The following PCDHGA2 variants were observed in gnomAD, a reference collection of about 807,000 sequenced individuals.
The protein encoded by PCDHGA2 is protocadherin gamma-A2.
In PCDHGA2, 40 loss-of-function variants were observed where a neutral mutation model predicts 59.2. The ratio of observed to expected loss-of-function variants is 0.68; its 90% confidence interval spans 0.52 to 0.88. The LOEUF (loss-of-function observed/expected upper bound fraction) is 0.88, where lower values mean the gene tolerates loss of function less well. Among genes scored for constraint, PCDHGA2 ranks in the 40% least tolerant of loss-of-function variants. PCDHGA2 has a pLI of 0.00. For missense variants in PCDHGA2, 1,226 were observed against 1,204.0 expected (o/e 1.02, Z -0.27); for synonymous variants, 560 against 526.0 (o/e 1.06, Z -0.89).
At chr5:141,416,132 A>G (rs939839074) in intron 1 of PCDHGA2, 1 of 153,964 alleles carries the variant, frequency 6.5e-6, no homozygotes, top group Non-Finnish European at 1.4e-5. Flanking sequence ...ATATTTTTCA[A>G]TCTATACTTT....
Position 141,375,504 on chromosome 5 carries a change from T to A in PCDHGA2, c.2424+34109T>A. The A allele has an allele frequency of 2.5e-6, 4 of 1,614,004 alleles. No homozygotes were observed. The South Asian group carries it at 4.4e-5, about 18-fold the overall frequency. ...CCCAGGGGTGCCTCCATCTTCTCTG[T>A]GAATGCACTGGACCCTGACGTGGAC... On this transcript the variant is annotated intron_variant, in intron 1 of 3. Coordinates refer to ENST00000394576, the MANE Select transcript of PCDHGA2 (RefSeq NM_018915.4).
At chr5:141,419,877 C>T in intron 1 of PCDHGA2, 3 of 1,614,062 alleles carry the variant, frequency 1.9e-6, no homozygotes, top group Non-Finnish European at 8.5e-7. Flanking sequence ...GAGGTACTGC[C>T]GGATTTCAGC....
chr5:141,393,115 GGT>G (rs1236382706), intron 1 of PCDHGA2: 1 of 1,613,438 alleles, frequency 6.2e-7, no homozygotes, highest in Non-Finnish European at 8.5e-7. Flanking sequence ...CAGAGCCCGC[GGT>G]GTCTGATAAA....
rs530261329 is a variant in PCDHGA2, at chr5:141,440,076, A to G, written c.2425-54731A>G. 2.4e-4 allele frequency: 37 copies of G among 152,560 alleles called. No individual in the cohort carries two copies. In the South Asian group the frequency reaches 3.7e-3, roughly 15 times the overall value. The allele number at this position is 152,560 out of a possible 1,614,324, so 9.5% of individuals were successfully genotyped here. On this transcript the variant is annotated intron_variant, in intron 1 of 3. Coordinates refer to ENST00000394576, the MANE Select transcript of PCDHGA2 (RefSeq NM_018915.4). Reference sequence around the variant, plus strand: ...CTTCGGGTTAATGCTGAGGAATAATACTTCATTCTAAGTGGGGAAAGTGGA... The same window carrying G: ...CTTCGGGTTAATGCTGAGGAATAATGCTTCATTCTAAGTGGGGAAAGTGGA...
chr5:141,432,014 A>C lies in PCDHGA2; in HGVS notation c.2425-62793A>C, dbSNP rs778393699. Reference sequence around the variant, plus strand: ...GGATAGGGAACAGGTTCCTAGCTACAACATCACAGTGACCGCCACTGACCG... The same window carrying C: ...GGATAGGGAACAGGTTCCTAGCTACCACATCACAGTGACCGCCACTGACCG... On this transcript the variant is annotated intron_variant, in intron 1 of 3. Transcript: ENST00000394576. This position sits in a 1 kb window ranked among gnomAD's most constrained non-coding sequence, Gnocchi z 6.0. 16 of 1,614,196 alleles carry C rather than the reference A, an allele frequency of 9.9e-6. 1 individual carries two copies. In the South Asian group the frequency reaches 1.6e-4, roughly 17 times the overall value.
intron 1 of PCDHGA2, chr5:141,355,756 G>A (rs1307748694): frequency 1.2e-6 from 2 of 1,613,948 alleles, no homozygotes; most frequent in South Asian, 1.1e-5. Context: ...GCAAAGTGGG[G>A]CCGATGGGAT....
At chr5:141,388,576 T>C (rs774429693) in intron 1 of PCDHGA2, 13 of 1,613,890 alleles carry the variant, frequency 8.1e-6, no homozygotes, top group South Asian at 3.3e-5. Context: ...ATACACGTTC[T>C]AGTGACTGAT....
At chr5:141,461,924 A>C (rs930104571) in intron 1 of PCDHGA2, among the ~76,000 whole-genome samples, 1 of 152,100 alleles carries the variant, frequency 6.6e-6, no homozygotes, top group East Asian at 1.9e-4. Context: ...CCTGGGTTCC[A>C]GCAATTCTCC....
intron 1 of PCDHGA2, among the ~76,000 whole-genome samples, chr5:141,480,720 G>C (rs2099524423): frequency 6.6e-6 from 1 of 152,146 alleles, no homozygotes; most frequent in Non-Finnish European, 1.5e-5. Context: ...TGAAAGCACA[G>C]TCTCTGGGGG....
intron 1 of PCDHGA2, chr5:141,361,431 C>A: frequency 4.3e-6 from 7 of 1,614,054 alleles, no homozygotes; most frequent in Non-Finnish European, 5.9e-6. Context: ...AGCCGCCCCT[C>A]TCCTCCAGCA....
intron 1 of PCDHGA2, chr5:141,387,823 A>G: frequency 6.3e-7 from 1 of 1,581,002 alleles, no homozygotes; most frequent in South Asian, 1.2e-5. Context: ...AATCTGCAAT[A>G]CAGAGGTTAT....
chr5:141,498,146 G>A (rs924380243), intron 2 of PCDHGA2, among the ~76,000 whole-genome samples: 1 of 152,200 alleles, frequency 6.6e-6, no homozygotes, highest in Non-Finnish European at 1.5e-5. Context: ...GGACATCCTG[G>A]AAATGAAGTT....
rs541220236 is a variant in PCDHGA2, at chr5:141,382,835, C to A, written c.2424+41440C>A. On this transcript the variant is annotated intron_variant, in intron 1 of 3. Transcript: ENST00000394576. Reference sequence around the variant, plus strand: ...CCTTCCTAAGACAGAGGGGTCCACCCGGATACACCCGCATTCTGAAGCACT... The same window carrying A: ...CCTTCCTAAGACAGAGGGGTCCACCAGGATACACCCGCATTCTGAAGCACT... The A allele has an allele frequency of 2.7e-4, 387 of 1,431,176 alleles. 2 individuals carry two copies. In the Middle Eastern group the frequency reaches 2.8e-3, roughly 10 times the overall value. The allele number at this position is 1,431,176 out of a possible 1,614,324, so 88.7% of individuals were successfully genotyped here. A position where few individuals can be genotyped will look rare whatever the true frequency, so the allele number is the denominator to read the frequency against.
At chr5:141,398,604 T>C (rs2093677345) in intron 1 of PCDHGA2, 1 of 1,613,930 alleles carries the variant, frequency 6.2e-7, no homozygotes, top group South Asian at 1.1e-5. Flanking sequence ...TAGCAGAAGA[T>C]GCAGATATTG....
At chr5:141,370,286 A>G in intron 1 of PCDHGA2, 1 of 968,422 alleles carries the variant, frequency 1.0e-6, no homozygotes, top group Admixed American at 2.9e-5. Context: ...CCATTAGAGA[A>G]CCCAAGCACA....
intron 1 of PCDHGA2, chr5:141,393,005 C>T: frequency 6.2e-7 from 1 of 1,613,866 alleles, no homozygotes; most frequent in Non-Finnish European, 8.5e-7. Context: ...AGCACGGAGT[C>T]CGTATCGTCT....
At chr5:141,355,116 T>A in intron 1 of PCDHGA2, 1 of 1,511,608 alleles carries the variant, frequency 6.6e-7, no homozygotes, top group South Asian at 1.3e-5. Flanking sequence ...GAATGCACTT[T>A]ATTTTGGACC....
chr5:141,433,939 A>T (rs1015984226), intron 1 of PCDHGA2, among the ~76,000 whole-genome samples: 2 of 151,714 alleles, frequency 1.3e-5, no homozygotes, highest in Non-Finnish European at 2.9e-5. Context: ...TTATAATTCC[A>T]TTGTTTCTTC....
intron 1 of PCDHGA2, chr5:141,433,272 C>G (rs1161817377): frequency 8.0e-7 from 1 of 1,252,412 alleles, no homozygotes; most frequent in Non-Finnish European, 1.1e-6. Flanking sequence ...TAGCTCACTG[C>G]AGCCTCAAAC....
Sources: allele counts gnomAD v4.1 joint callset (sites outside exome capture counted in the v4.1 genomes callset), GRCh38; gene constraint gnomAD v4.1.1; non-coding constraint Gnocchi (gnomAD v3.1); transcripts MANE v1.5; gene names NCBI Gene and HGNC (gene_info 2026-07-23, HGNC 2026-07-21).